The following GRAMD1B variants were observed in gnomAD, a reference collection of about 807,000 sequenced individuals.
GRAMD1B encodes the protein GRAM domain containing 1B.
A neutral mutation model predicts 99.7 loss-of-function variants in GRAMD1B; 37 were observed. The ratio of observed to expected loss-of-function variants is 0.37; its 90% CI spans 0.29 to 0.49. The LOEUF is 0.49. Ranked by LOEUF, GRAMD1B falls within the 20% of genes least tolerant of loss-of-function variation. The pLI, the probability that GRAMD1B is intolerant of heterozygous loss-of-function variation, is 0.98. For synonymous variants in GRAMD1B, 427 were observed against 387.6 expected, an observed-to-expected ratio of 1.10 and a Z score of -1.19; for missense variants, 888 against 1,009.2, an observed-to-expected ratio of 0.88 and a Z score of 1.63.
At chr11:123,517,637 A>G (rs1346660355) in intron 2 of GRAMD1B, among the ~76,000 whole-genome samples, 1 of 147,254 alleles carries the variant, frequency 6.8e-6, no homozygotes, top group Non-Finnish European at 1.5e-5. Flanking sequence ...AAACCACAAT[A>G]CACACCACCG....
At position 123,486,564 on chromosome 11, in the gene GRAMD1B, A is replaced by AGAAAAAG. The variant is rs1555041154; in HGVS notation, c.452+5671_452+5672insGAAAAAG. Among the ~76,000 whole-genome samples the AGAAAAAG allele has an allele frequency of 2.7e-5, 4 of 147,630 alleles. 1 individual carries two copies. The highest frequency in any genetic ancestry group is 1.0e-4 in the African/African-American group (4 of 39,520). On this transcript the variant is annotated intron_variant, in intron 2 of 19. Transcript: ENST00000635736. The stretch of plus-strand genomic sequence containing the variant: ...CCCTGTCTCAAAAAAGAAAAAAAAA[A>AGAAAAAG]AAAAACAAAAAGAAAAAGCAAAGGC...
intron 2 of GRAMD1B, among the ~76,000 whole-genome samples, chr11:123,557,806 A>T (rs1239502748): frequency 4.6e-5 from 7 of 152,160 alleles, no homozygotes; most frequent in Admixed American, 4.6e-4. Context: ...ATGTAAGCCC[A>T]TATACAGCTG....
At chr11:123,512,825 C>A (rs1941174715) in intron 2 of GRAMD1B, among the ~76,000 whole-genome samples, 1 of 150,682 alleles carries the variant, frequency 6.6e-6, no homozygotes. Flanking sequence ...AGGAGAGGGT[C>A]CACGAGCCCC....
chr11:123,514,221 G>A (rs1480944354), intron 2 of GRAMD1B, among the ~76,000 whole-genome samples: 1 of 152,190 alleles, frequency 6.6e-6, no homozygotes, highest in Non-Finnish European at 1.5e-5. Flanking sequence ...TTCATAAAGG[G>A]CTTTGTAAAG....
intron 1 of GRAMD1B, among the ~76,000 whole-genome samples, chr11:123,409,432 A>G (rs1468427235): frequency 1.3e-5 from 2 of 152,108 alleles, no homozygotes; most frequent in South Asian, 2.1e-4. Flanking sequence ...TGATCTCTAA[A>G]ATGCCCCACT....
intron 3 of GRAMD1B, among the ~76,000 whole-genome samples, chr11:123,583,488 GTCTA>G (rs1440279181): frequency 6.6e-6 from 1 of 152,148 alleles, no homozygotes; most frequent in African/African-American, 2.4e-5. Context: ...ACACAAGCTT[GTCTA>G]TCTGCGTGTC....
intron 2 of GRAMD1B, among the ~76,000 whole-genome samples, chr11:123,531,562 CTTG>C (rs1943374722): frequency 6.6e-6 from 1 of 152,058 alleles, no homozygotes; most frequent in Admixed American, 6.6e-5. Context: ...CTTCCTGAGG[CTTG>C]TTGTCATCAA....
intron 2 of GRAMD1B, chr11:123,526,306 C>A: frequency 1.3e-6 from 1 of 750,052 alleles, no homozygotes; most frequent in Non-Finnish European, 2.3e-6. Context: ...GGGGACTAGG[C>A]ACTTTAAAAG....
rs1953098362 is a variant in GRAMD1B at position 123,608,759 on chromosome 11, C to T, written c.1614C>T (p.Asn538=). 1 of 1,552,342 alleles carries T rather than the reference C, an allele frequency of 6.4e-7. No homozygotes were observed. Among genetic ancestry groups the T allele is most frequent in the Non-Finnish European group, 8.7e-7 (1 of 1,147,240 alleles). The change falls in exon 12 of 20, where the codon AAC becomes AAT. Residue 538 remains asparagine, a synonymous_variant. Coordinates refer to ENST00000635736, the MANE Select transcript of GRAMD1B (RefSeq NM_001387025.1). ...AGCTCTATGACCTCCTCTTCACCAA[C>T]TCGCCCTTCCAGCGGGATTTCATGG... ...VDKLYDLLFT[N]SPFQRDFMEQ...
intron 2 of GRAMD1B, among the ~76,000 whole-genome samples, chr11:123,547,107 A>G (rs1305890122): frequency 6.6e-6 from 1 of 152,140 alleles, no homozygotes; most frequent in Non-Finnish European, 1.5e-5. Context: ...TCCTCTTTGG[A>G]GGAAGCTACA....
intron 17 of GRAMD1B, chr11:123,618,392 C>T: frequency 1.3e-6 from 2 of 1,598,420 alleles, no homozygotes; most frequent in Non-Finnish European, 1.7e-6. Flanking sequence ...ACCCCCTCAT[C>T]TCTTTTCCTC....
At chr11:123,564,472 G>A (rs1373947486) in intron 2 of GRAMD1B, among the ~76,000 whole-genome samples, 3 of 152,250 alleles carry the variant, frequency 2.0e-5, no homozygotes, top group Non-Finnish European at 4.4e-5. Context: ...ACATGAGGAA[G>A]GCCTGAGTCA....
At position 123,624,894 on chromosome 11, in the gene GRAMD1B, T is replaced by C. The variant is rs1329544057; in HGVS notation, c.*2299T>C. 6.6e-6 allele frequency: 1 copy of C among 152,176 alleles called. No homozygotes were observed. Among genetic ancestry groups the C allele is most frequent in the Non-Finnish European group, 1.5e-5 (1 of 68,022 alleles). 9.4% of individuals were successfully genotyped at this position (152,176 alleles called of 1,614,324 possible). On this transcript the variant is annotated 3_prime_UTR_variant, in exon 20 of 20. Coordinates refer to ENST00000635736, the MANE Select transcript of GRAMD1B (RefSeq NM_001387025.1). ...GCTTCTGCTTTACCTCTCAGGACCA[T>C]TCCCAGGAGGAAAAGGTGGCAGAGA...
chr11:123,468,880 G>A lies in GRAMD1B; in HGVS notation c.375-11936G>A, dbSNP rs112131464. 3.6e-3 allele frequency among the ~76,000 whole-genome samples: 548 copies of A among 150,798 alleles called. 4 individuals are homozygous for A. The highest frequency in any genetic ancestry group is 0.013 in the African/African-American group (521 of 41,068). ...TCACCAAGGAAGATTTACTACTTTTGAAGAATAATAGTAGCTATAATATTG... is the reference window on the plus strand; with the variant it reads ...TCACCAAGGAAGATTTACTACTTTTAAAGAATAATAGTAGCTATAATATTG... On this transcript the variant is annotated intron_variant, in intron 1 of 19. Coordinates refer to ENST00000635736, the MANE Select transcript of GRAMD1B (RefSeq NM_001387025.1).
rs1417630229 is a variant in GRAMD1B, at chr11:123,468,914, C to T, written c.375-11902C>T. Among the ~76,000 whole-genome samples, 8 of 151,654 alleles carry T rather than the reference C, an allele frequency of 5.3e-5. No individual in the cohort carries two copies. The East Asian group carries it at 1.4e-3, about 26-fold the overall frequency. On this transcript the variant is annotated intron_variant, in intron 1 of 19. Transcript: ENST00000635736. ...TAGTAGCTATAATATTGTGTGTCTA[C>T]TCATCTCTCCAAGTATGTGTGGGTG...
intron 2 of GRAMD1B, among the ~76,000 whole-genome samples, chr11:123,484,145 CT>C (rs1951759786): frequency 6.6e-6 from 1 of 152,194 alleles, no homozygotes; most frequent in South Asian, 2.1e-4. Flanking sequence ...CTTCCCTGTG[CT>C]GTGCACCAAA....
At chr11:123,598,915 C>T (rs767823368) in intron 7 of GRAMD1B, 1 of 1,161,914 alleles carries the variant, frequency 8.6e-7, no homozygotes, top group African/African-American at 1.5e-5. Flanking sequence ...TTATGCTCTG[C>T]ATTCCTCCTG....
intron 15 of GRAMD1B, 127 bp downstream of exon 15, chr11:123,612,991 G>A (rs1953801528): frequency 1.6e-6 from 1 of 636,012 alleles, no homozygotes; most frequent in African/African-American, 1.8e-5. Flanking sequence ...AGTTTCATGA[G>A]GTACCCACAC....
At chr11:123,466,094 G>T (rs1434819178) in intron 1 of GRAMD1B, among the ~76,000 whole-genome samples, 2 of 152,058 alleles carry the variant, frequency 1.3e-5, no homozygotes, top group Non-Finnish European at 2.9e-5. Context: ...TGGCCAACAT[G>T]GTGAAACCCC....
Sources: allele counts gnomAD v4.1 joint callset (sites outside exome capture counted in the v4.1 genomes callset), GRCh38; gene constraint gnomAD v4.1.1; transcripts MANE v1.5; gene names NCBI Gene and HGNC (gene_info 2026-07-23, HGNC 2026-07-21).